The following FSTL4 variants were observed in gnomAD, a reference collection of about 807,000 sequenced individuals.
The protein encoded by FSTL4 is follistatin like 4, also known as follistatin-related protein 4.
In FSTL4, 28 loss-of-function variants were observed where a neutral mutation model predicts 78.2. That is an observed-to-expected ratio of 0.36 (90% CI 0.27 to 0.49). FSTL4 has a LOEUF of 0.49. Ranked by LOEUF, FSTL4 falls within the 20% of genes least tolerant of loss-of-function variation. The probability of loss-of-function intolerance (pLI) is 0.98; values close to 1 mark genes in which losing one functional copy is unlikely to be tolerated. For synonymous variants in FSTL4, 422 were observed against 440.5 expected, an observed-to-expected ratio of 0.96 and a Z score of 0.53; for missense variants, 922 against 1,084.9, an observed-to-expected ratio of 0.85 and a Z score of 2.11.
intron 3 of FSTL4, among the ~76,000 whole-genome samples, chr5:133,492,883 C>T (rs374976905): frequency 6.6e-6 from 1 of 151,784 alleles, no homozygotes; most frequent in Non-Finnish European, 1.5e-5. Context: ...CTCTTAATAT[C>T]TGTTTTATAT....
chr5:133,437,591 GT>G (rs1160676999), intron 3 of FSTL4, among the ~76,000 whole-genome samples: 2 of 143,518 alleles, frequency 1.4e-5, no homozygotes, highest in African/African-American at 2.6e-5. Context: ...CTGGGCTCAA[GT>G]GATTCTCCTG....
At chr5:133,813,724 G>T in the FSTL4 span, among the ~76,000 whole-genome samples, 89 of 152,298 alleles carry the variant, frequency 5.8e-4, 1 homozygote, top group African/African-American at 1.8e-3. Context: ...ATGGGCACCA[G>T]CCCTTCCCTG....
intron 2 of FSTL4, among the ~76,000 whole-genome samples, chr5:133,601,446 C>T (rs1423077189): frequency 6.6e-6 from 1 of 152,076 alleles, no homozygotes. Context: ...AAAGAAGGTT[C>T]TAAAGAAAAA....
At position 133,236,494 on chromosome 5, in the gene FSTL4, C is replaced by G. The variant is rs1751667435; in HGVS notation, c.895-2957G>C. Among the ~76,000 whole-genome samples the G allele has an allele frequency of 6.6e-6, 1 of 152,162 alleles. No individual in the cohort carries two copies. Among genetic ancestry groups the G allele is most frequent in the Non-Finnish European group, 1.5e-5 (1 of 68,016 alleles). ...GTTCCCCAGGGGCTGAGACACTAGG[C>G]TCTCCTTGCAGATTCATTCAGAGTG... On this transcript the variant is annotated intron_variant, in intron 7 of 15. Transcript: ENST00000265342. The surrounding 1 kb of genome is among the most constrained non-coding windows in gnomAD (Gnocchi z 5.0).
At position 133,511,935 on chromosome 5, in the gene FSTL4, T is replaced by G. The variant is rs1758742940; in HGVS notation, c.160+55251A>C. ...GGAGTGGCGGGTGAGCAACCACAGC[T>G]GCATGGTGGGAGCCAAATGCTTTGG... On this transcript the variant is annotated intron_variant, in intron 3 of 15. Transcript: ENST00000265342. Among the ~76,000 whole-genome samples, 4 of 152,122 alleles carry G rather than the reference T, an allele frequency of 2.6e-5. No homozygotes were observed. In the South Asian group the frequency reaches 8.3e-4, roughly 32 times the overall value.
intron 3 of FSTL4, among the ~76,000 whole-genome samples, chr5:133,530,203 G>A (rs1405033436): frequency 2.0e-5 from 3 of 152,146 alleles, no homozygotes; most frequent in African/African-American, 7.2e-5. Context: ...TGATCTCAGA[G>A]AGAAGAAAAA....
the FSTL4 span, among the ~76,000 whole-genome samples, chr5:133,773,623 T>G: frequency 6.6e-6 from 1 of 152,220 alleles, no homozygotes; most frequent in Admixed American, 6.5e-5. Context: ...TTCTTTCCTT[T>G]CCTCTTTCAG....
chr5:133,485,628 G>A lies in FSTL4; in HGVS notation c.160+81558C>T, dbSNP rs146255205. Among the ~76,000 whole-genome samples, 12 of 152,338 alleles carry A rather than the reference G, an allele frequency of 7.9e-5. No homozygotes were observed. The East Asian group carries it at 2.3e-3, about 29-fold the overall frequency. On this transcript the variant is annotated intron_variant, in intron 3 of 15. Transcript: ENST00000265342. ...TATGCAAATAGCAGGAGCCATTGCA[G>A]CTGCAAACAAGCTGCGGTCCTAAGT...
chr5:133,622,307 A>AT, the FSTL4 span, among the ~76,000 whole-genome samples: 4 of 152,014 alleles, frequency 2.6e-5, no homozygotes, highest in African/African-American at 9.7e-5. Context: ...GGCTTTTTCT[A>AT]TTTTTTGGTG....
intron 6 of FSTL4, 126 bp downstream of exon 6, chr5:133,312,528 C>T (rs1753810247): frequency 1.3e-6 from 1 of 774,242 alleles, no homozygotes; most frequent in Non-Finnish European, 2.2e-6. Context: ...AACAAATTCA[C>T]CAGCTTTCCT....
chr5:133,373,803 C>T (rs1226279267), intron 4 of FSTL4, among the ~76,000 whole-genome samples: 3 of 152,188 alleles, frequency 2.0e-5, no homozygotes, highest in Admixed American at 6.5e-5. Context: ...CAGCAATGGT[C>T]CCCAAAATCT....
chr5:133,222,591 C>A (rs1370069707), intron 11 of FSTL4, among the ~76,000 whole-genome samples: 1 of 152,180 alleles, frequency 6.6e-6, no homozygotes, highest in Non-Finnish European at 1.5e-5. Context: ...ATAATAGAGC[C>A]CACATGGGGT....
the FSTL4 span, among the ~76,000 whole-genome samples, chr5:133,671,598 G>A: frequency 7.2e-5 from 11 of 152,296 alleles, no homozygotes; most frequent in South Asian, 2.1e-4. Context: ...AGAGTACACC[G>A]AACAAAGGAG....
At chr5:133,797,449 TTTA>T in the FSTL4 span, among the ~76,000 whole-genome samples, 1 of 152,254 alleles carries the variant, frequency 6.6e-6, no homozygotes, top group Admixed American at 6.5e-5. Context: ...TTAGATGTTG[TTTA>T]AAATTTGGCA....
In FSTL4 at chr5:133,199,728, G is replaced by C. The variant is rs896145658; in HGVS notation, c.1896C>G (p.Leu632=). 1.2e-6 allele frequency: 2 copies of C among 1,608,442 alleles called. No homozygotes were observed. Among genetic ancestry groups the C allele is most frequent in the Admixed American group, 1.7e-5 (1 of 58,726 alleles). The stretch of plus-strand genomic sequence containing the variant: ...CATGGTGGTGCAGGCCGATGGTCTT[G>C]AGGGGCATCATTGTTTCCAGGTCCA... ...HKVDLETMMP[L]KTIGLHHHGC... Residue 632 remains leucine, a synonymous_variant, in exon 16 of 16, where the codon CTC becomes CTG. Transcript: ENST00000265342. The surrounding 1 kb of genome is among the most constrained non-coding windows in gnomAD (Gnocchi z 4.4).
At chr5:133,571,221 C>T (rs775389342) in intron 2 of FSTL4, among the ~76,000 whole-genome samples, 4 of 152,134 alleles carry the variant, frequency 2.6e-5, no homozygotes, top group Non-Finnish European at 4.4e-5. Context: ...AGCAGACTTA[C>T]TGCTAAGACC....
chr5:133,770,249 T>C, the FSTL4 span, among the ~76,000 whole-genome samples: 3 of 152,132 alleles, frequency 2.0e-5, no homozygotes, highest in South Asian at 6.2e-4. Flanking sequence ...GGGTAGATAC[T>C]CAGTTGCTGG....
chr5:133,731,023 G>A, the FSTL4 span, among the ~76,000 whole-genome samples: 9 of 152,200 alleles, frequency 5.9e-5, no homozygotes, highest in East Asian at 5.8e-4. Context: ...TGATCTGCTT[G>A]AGAAATCCCA....
At chr5:133,204,935 G>A (rs1561616675) in intron 14 of FSTL4, among the ~76,000 whole-genome samples, 1 of 152,042 alleles carries the variant, frequency 6.6e-6, no homozygotes. Context: ...GTTTTTGTGA[G>A]CAATGGTTTC....
Sources: gnomAD v4.1 joint callset for allele counts (sites outside exome capture counted in the v4.1 genomes callset) on GRCh38, gnomAD v4.1.1 for gene constraint, Gnocchi (gnomAD v3.1) non-coding constraint, MANE v1.5 for transcripts, NCBI Gene and HGNC (gene_info 2026-07-23, HGNC 2026-07-21) for gene names.